Variants in ZDHHC13 observed in about 807,000 individuals in gnomAD.
ZDHHC13 encodes the protein palmitoyltransferase ZDHHC13.
Under a neutral mutation model 86.0 loss-of-function variants are expected in ZDHHC13, and 85 were observed. The ratio of observed to expected loss-of-function variants is 0.99; its 90% CI spans 0.83 to 1.18. ZDHHC13 has a LOEUF of 1.18. Ranked by LOEUF, ZDHHC13 falls within the 50% of genes most tolerant of loss-of-function variation. The probability of loss-of-function intolerance (pLI) is 0.00; values close to 1 mark genes in which losing one functional copy is unlikely to be tolerated. For missense variants in ZDHHC13, 711 were observed against 730.2 expected (o/e 0.97, Z 0.30); for synonymous variants, 263 against 246.4 (o/e 1.07, Z -0.63).
intron 1 of ZDHHC13, among the ~76,000 whole-genome samples, chr11:19,135,289 C>T (rs200515052): frequency 6.6e-6 from 1 of 152,142 alleles, no homozygotes; most frequent in Non-Finnish European, 1.5e-5. Context: ...AGTTCCCTTT[C>T]CTAGTCAAAG....
At chr11:19,156,760 C>T (rs796554987) in intron 9 of ZDHHC13, among the ~76,000 whole-genome samples, 4 of 152,264 alleles carry the variant, frequency 2.6e-5, no homozygotes, top group African/African-American at 9.6e-5. Flanking sequence ...CTCCACAACT[C>T]GCATCCTAGA....
chr11:19,118,500 A>G (rs553308710), intron 1 of ZDHHC13, among the ~76,000 whole-genome samples: 1 of 149,876 alleles, frequency 6.7e-6, no homozygotes, highest in South Asian at 2.1e-4. Context: ...GAGAGGCTCA[A>G]AGAAAAGTTG....
Position 19,147,661 on chromosome 11 carries a change from A to C in ZDHHC13, c.362A>C (p.His121Pro). The C allele has an allele frequency of 6.3e-7, 1 of 1,599,948 alleles. No individual in the cohort carries two copies. The highest frequency in any genetic ancestry group is 2.2e-5 in the East Asian group (1 of 44,562). ...GGAGATTTAAATTCAACTCCTCTTC[A>C]CTGGGCCATCCGGTAAGGTTTCTTT... Reference protein sequence around the residue: ...LGGDLNSTPLHWAIRQGHLPM... With the variant: ...LGGDLNSTPLPWAIRQGHLPM... Residue 121 changes from histidine to proline, a missense_variant, in exon 4 of 17, where the codon CAC becomes CCC. Transcript: ENST00000446113.
chr11:19,138,983 A>G (rs1184454574), intron 1 of ZDHHC13, among the ~76,000 whole-genome samples: 1 of 152,034 alleles, frequency 6.6e-6, no homozygotes, highest in African/African-American at 2.4e-5. Context: ...AACTGGAAGC[A>G]TTCCCTTTGA....
At chr11:19,128,398 C>T (rs1848921609) in intron 1 of ZDHHC13, among the ~76,000 whole-genome samples, 1 of 152,068 alleles carries the variant, frequency 6.6e-6, no homozygotes, top group African/African-American at 2.4e-5. Flanking sequence ...CTGCAAACAG[C>T]GATAGTTTGA....
chr11:19,166,841 G>A (rs187695083), intron 14 of ZDHHC13: 1 of 153,156 alleles, frequency 6.5e-6, no homozygotes, highest in Non-Finnish European at 1.5e-5. Flanking sequence ...AGAACTGATG[G>A]GAATACTAAC....
At chr11:19,133,942 T>TATATATATATGTATATATATATAC in intron 1 of ZDHHC13, among the ~76,000 whole-genome samples, 11 of 96,082 alleles carry the variant, frequency 1.1e-4, no homozygotes, top group African/African-American at 2.7e-4. Context: ...TATATATATA[T>TATATATATATGTATATATATATAC]ACACGTATGT....
intron 1 of ZDHHC13, among the ~76,000 whole-genome samples, chr11:19,142,683 C>A (rs909062364): frequency 2.0e-5 from 3 of 151,876 alleles, no homozygotes; most frequent in Non-Finnish European, 4.4e-5. Context: ...TAGTAAGCAT[C>A]TTTTCTACTG....
chr11:19,148,012 C>T (rs775089760), intron 4 of ZDHHC13, among the ~76,000 whole-genome samples: 5 of 152,184 alleles, frequency 3.3e-5, no homozygotes, highest in East Asian at 1.9e-4. Context: ...TAGAAATTTA[C>T]GATTTTATTT....
intron 1 of ZDHHC13, among the ~76,000 whole-genome samples, chr11:19,140,211 A>T (rs1342420731): frequency 6.6e-5 from 10 of 151,670 alleles, no homozygotes; most frequent in Non-Finnish European, 2.9e-5. Context: ...ACTCCAACAA[A>T]TTTACAAGAA....
chr11:19,152,744 G>C (rs569219097), intron 8 of ZDHHC13, 60 bp downstream of exon 8: 1 of 1,606,240 alleles, frequency 6.2e-7, no homozygotes, highest in African/African-American at 1.3e-5. Context: ...ATTTGGTTTT[G>C]TTTATTAAGG....
chr11:19,175,073 A>G (rs969092851), intron 16 of ZDHHC13, among the ~76,000 whole-genome samples: 3 of 152,010 alleles, frequency 2.0e-5, no homozygotes, highest in African/African-American at 7.2e-5. Flanking sequence ...GAGACAGAGA[A>G]TTCATTTAGA....
chr11:19,152,374 GATAAATTA>G lies in ZDHHC13; in HGVS notation c.747+56_747+63del. 3.2e-6 allele frequency: 5 copies of G among 1,573,568 alleles called. No individual in the cohort carries two copies. The Middle Eastern group carries it at 5.1e-4, about 161-fold the overall frequency. On this transcript the variant is annotated intron_variant, in intron 7 of 16. Coordinates refer to ENST00000446113, the MANE Select transcript of ZDHHC13 (RefSeq NM_019028.3). ...TTATTATATCTTGAGTTAGAAGATT[GATAAATTA>G]ACGTAAAGATAAGCTATATAATTGT...
intron 1 of ZDHHC13, among the ~76,000 whole-genome samples, chr11:19,122,945 T>C (rs2133357585): frequency 6.6e-6 from 1 of 152,272 alleles, no homozygotes; most frequent in South Asian, 2.1e-4. Flanking sequence ...TGCATGCGGG[T>C]AAACAATGAT....
At chr11:19,132,479 A>G (rs1218595558) in intron 1 of ZDHHC13, among the ~76,000 whole-genome samples, 5 of 152,114 alleles carry the variant, frequency 3.3e-5, no homozygotes, top group Admixed American at 1.3e-4. Flanking sequence ...TTTTTTGCCT[A>G]TCCTTGTCAA....
intron 1 of ZDHHC13, among the ~76,000 whole-genome samples, chr11:19,132,512 T>C (rs998366331): frequency 6.6e-6 from 1 of 152,228 alleles, no homozygotes. Context: ...ACATTACTTG[T>C]CCTAGTACTC....
intron 5 of ZDHHC13, among the ~76,000 whole-genome samples, chr11:19,150,028 A>C: frequency 6.6e-6 from 1 of 152,152 alleles, no homozygotes; most frequent in East Asian, 1.9e-4. Context: ...AAATATAAAT[A>C]TATGAGGAAG....
intron 1 of ZDHHC13, among the ~76,000 whole-genome samples, chr11:19,124,108 G>A (rs1347523196): frequency 1.3e-5 from 2 of 152,036 alleles, no homozygotes; most frequent in African/African-American, 4.8e-5. Context: ...AAATCAACCT[G>A]TGTCTCTAAC....
rs1347065125 is a variant in ZDHHC13 at position 19,170,397 on chromosome 11, T to C, written c.1475-14T>C. On this transcript the variant is annotated splice_polypyrimidine_tract_variant and intron_variant, in intron 14 of 16. Coordinates refer to ENST00000446113, the MANE Select transcript of ZDHHC13 (RefSeq NM_019028.3). ...TGCCTTTTTTTTTTTTTTTTTTTTT[T>C]GGTGAATTCACAGATTTGTCCAGTC... 2 of 1,452,572 alleles carry C rather than the reference T, an allele frequency of 1.4e-6. No homozygotes were observed. Among genetic ancestry groups the C allele is most frequent in the African/African-American group, 1.5e-5 (1 of 66,034 alleles). The allele number at this position is 1,452,572 out of a possible 1,614,324, so 90.0% of individuals were successfully genotyped here. A position where few individuals can be genotyped will look rare whatever the true frequency, so the allele number is the denominator to read the frequency against.
Sources: allele counts gnomAD v4.1 joint callset (sites outside exome capture counted in the v4.1 genomes callset), GRCh38; gene constraint gnomAD v4.1.1; transcripts MANE v1.5; gene names NCBI Gene and HGNC (gene_info 2026-07-23, HGNC 2026-07-21).